The following MGAM2 variants were observed in gnomAD, a reference collection of about 807,000 sequenced individuals.
MGAM2 encodes maltase-glucoamylase 2 (putative).
Under a neutral mutation model 96.1 loss-of-function variants are expected in MGAM2, and 98 were observed. The ratio of observed to expected loss-of-function variants is 1.02; its 90% CI spans 0.87 to 1.21. The LOEUF (loss-of-function observed/expected upper bound fraction) is 1.21. MGAM2 is among the 50% of genes most tolerant of loss of function. MGAM2 has a pLI of 0.00. For missense variants in MGAM2, 2,055 were observed against 1,182.4 expected (o/e 1.74, Z -10.82); for synonymous variants, 749 against 414.8 (o/e 1.81, Z -9.79).
chr7:142,147,397 G>A lies in MGAM2; in HGVS notation c.1517-59G>A, dbSNP rs1465354951. The A allele has an allele frequency of 1.5e-5, 10 of 656,122 alleles. No individual in the cohort carries two copies. In the East Asian group the frequency reaches 2.2e-4, roughly 14 times the overall value. The allele number at this position is 656,122 out of a possible 1,614,324, so 40.6% of individuals were successfully genotyped here. A position where few individuals can be genotyped will look rare whatever the true frequency, so the allele number is the denominator to read the frequency against. On this transcript the variant is annotated intron_variant, in intron 14 of 47. Coordinates refer to ENST00000477922, the MANE Select transcript of MGAM2 (RefSeq NM_001293626.2). ...TAATCAGGAAGAAAATAGTTGGGCC[G>A]CTAATTTGTTAAAGATGGTTAATGA...
chr7:142,171,162 A>G, intron 27 of MGAM2, 110 bp from the exon 28 acceptor site: 3 of 695,322 alleles, frequency 4.3e-6, no homozygotes, highest in Middle Eastern at 4.7e-4. Context: ...ACCTGGATCT[A>G]AATGTGCAAT....
intron 12 of MGAM2, among the ~76,000 whole-genome samples, chr7:142,143,127 T>C (rs76711442): frequency 0.016 from 2,416 of 152,304 alleles, 50 homozygotes; most frequent in African/African-American, 0.054. Flanking sequence ...TAAATTACAA[T>C]CTATAAATTT....
chr7:142,186,256 A>T (rs1796696632), intron 35 of MGAM2, 133 bp downstream of exon 35: 1 of 611,812 alleles, frequency 1.6e-6, no homozygotes, highest in South Asian at 2.0e-5. Flanking sequence ...CTGTTACAGA[A>T]TCTAGGTGCT....
chr7:142,141,256 A>G (rs1795220988), intron 12 of MGAM2, 137 bp downstream of exon 12: 1 of 562,988 alleles, frequency 1.8e-6, no homozygotes, highest in South Asian at 2.5e-5. Flanking sequence ...TACTATTTTA[A>G]ACCAGTAGAT....
rs1029747167 is a variant in MGAM2, at chr7:142,221,180, T to A, written c.6669T>A (p.Pro2223=). 2.8e-6 allele frequency: 2 copies of A among 702,460 alleles called. No individual in the cohort carries two copies. The highest frequency in any genetic ancestry group is 3.5e-5 in the African/African-American group (2 of 57,232). 43.5% of individuals were successfully genotyped at this position (702,460 alleles called of 1,614,324 possible). A position where few individuals can be genotyped will look rare whatever the true frequency, so the allele number is the denominator to read the frequency against. Residue 2223 remains proline (P), a synonymous_variant, in exon 48 of 48, where the codon CCT becomes CCA. Transcript: ENST00000477922. Reference sequence around the variant, plus strand: ...CTGTTATTATGGCAACTACTTCTCCTACAAGTACTGATGTTGCTAGCACAA... The same window carrying A: ...CTGTTATTATGGCAACTACTTCTCCAACAAGTACTGATGTTGCTAGCACAA... The part of the protein sequence containing the change: ...NTTVIMATTS[P]TSTDVASTNN...
intron 36 of MGAM2, 150 bp from the exon 37 acceptor site, chr7:142,189,217 A>G: frequency 3.9e-6 from 2 of 517,804 alleles, no homozygotes; most frequent in Non-Finnish European, 6.8e-6. Context: ...GACACAGAAC[A>G]TTGTTTTCTA....
Position 142,114,204 on chromosome 7 carries a change from A to AAGAAAGAAAGAG in MGAM2, c.-1+2409_-1+2420dup, listed in dbSNP as rs1462301528. On this transcript the variant is annotated intron_variant, in intron 1 of 47. Transcript: ENST00000477922. ...AAAGAAAGAAAGAAAGAAAGAAAGAAAGAAAGAAAGAGAGAAAGAAAGAAA... is the reference window on the plus strand; with the variant it reads ...AAAGAAAGAAAGAAAGAAAGAAAGAAAGAAAGAAAGAGAGAAAGAAAGAGAGAAAGAAAGAAA... 3.6e-4 allele frequency among the ~76,000 whole-genome samples: 50 copies of AAGAAAGAAAGAG among 140,316 alleles called. 1 individual carries two copies. The highest frequency in any genetic ancestry group is 9.1e-5 in the Non-Finnish European group (6 of 65,880). 92.1% of individuals were successfully genotyped at this position (140,316 alleles called of 152,430 possible).
chr7:142,134,834 A>G (rs559888478), intron 7 of MGAM2, among the ~76,000 whole-genome samples: 1 of 151,866 alleles, frequency 6.6e-6, no homozygotes, highest in African/African-American at 2.4e-5. Context: ...ATTAAAATAT[A>G]TTACTGAAAA....
chr7:142,205,507 G>T (rs1797377951), intron 45 of MGAM2, among the ~76,000 whole-genome samples: 1 of 151,718 alleles, frequency 6.6e-6, no homozygotes. Flanking sequence ...CATTCCAGTG[G>T]GTGAAAAGCT....
At chr7:142,146,796 C>T (rs1287460274) in intron 14 of MGAM2, among the ~76,000 whole-genome samples, 2 of 151,540 alleles carry the variant, frequency 1.3e-5, no homozygotes, top group Non-Finnish European at 2.9e-5. Flanking sequence ...GGCACGATCT[C>T]GGCTCATTGC....
chr7:142,123,570 A>C (rs1794647107), intron 3 of MGAM2, among the ~76,000 whole-genome samples: 1 of 152,120 alleles, frequency 6.6e-6, no homozygotes, highest in African/African-American at 2.4e-5. Context: ...CTTATTGGCT[A>C]GTTGGTAATC....
intron 47 of MGAM2, among the ~76,000 whole-genome samples, chr7:142,218,906 G>T (rs550790177): frequency 1.3e-5 from 2 of 151,966 alleles, no homozygotes; most frequent in South Asian, 2.1e-4. Flanking sequence ...GCTGTTGAAG[G>T]TTGCCCCCAT....
chr7:142,196,047 A>G (rs1563288538), intron 37 of MGAM2, 107 bp from the exon 38 acceptor site: 1 of 680,026 alleles, frequency 1.5e-6, no homozygotes, highest in Non-Finnish European at 2.7e-6. Context: ...GGAAGAAGTT[A>G]TCTGACTCGG....
intron 42 of MGAM2, 35 bp from the exon 43 acceptor site, chr7:142,198,104 A>G (rs534674450): frequency 2.7e-5 from 19 of 694,134 alleles, no homozygotes; most frequent in South Asian, 2.3e-4. Context: ...TATTTTTTGA[A>G]ATATTCATAA....
intron 12 of MGAM2, among the ~76,000 whole-genome samples, chr7:142,142,281 C>T (rs1795253416): frequency 6.6e-6 from 1 of 151,870 alleles, no homozygotes; most frequent in Non-Finnish European, 1.5e-5. Context: ...TAGATAAGCC[C>T]ATATTTATAT....
Position 142,161,102 on chromosome 7 carries a change from AACTGGGAAGT to A in MGAM2, c.2346-19_2346-10del. 2.9e-6 allele frequency: 2 copies of A among 701,742 alleles called. No individual in the cohort carries two copies. The highest frequency in any genetic ancestry group is 5.2e-6 in the Non-Finnish European group (2 of 384,190). The allele number at this position is 701,742 out of a possible 1,614,324, so 43.5% of individuals were successfully genotyped here. ...GTTCCATCTCATCTACATTCTCTGA[AACTGGGAAGT>A]ACTCTTTTACAGCCGGAGGAATTCC... On this transcript the variant is annotated splice_polypyrimidine_tract_variant and intron_variant, in intron 21 of 47. Coordinates refer to ENST00000477922, the MANE Select transcript of MGAM2 (RefSeq NM_001293626.2).
rs1229076491 is a variant in MGAM2 at position 142,208,994 on chromosome 7, A to G, written c.5187+372A>G. Among the ~76,000 whole-genome samples, 3 of 152,222 alleles carry G rather than the reference A, an allele frequency of 2.0e-5. 1 individual carries two copies. The East Asian group carries it at 5.8e-4, about 29-fold the overall frequency. On this transcript the variant is annotated intron_variant, in intron 46 of 47. Coordinates refer to ENST00000477922, the MANE Select transcript of MGAM2 (RefSeq NM_001293626.2). ...AAGACGACCTCAAAACCTTAGTGGT[A>G]TCTAACAATAAGCACTTACTTAGCT... is the stretch of plus-strand genomic sequence containing the variant.
chr7:142,189,051 T>C (rs1429357267), intron 36 of MGAM2, among the ~76,000 whole-genome samples: 2 of 152,182 alleles, frequency 1.3e-5, no homozygotes, highest in Non-Finnish European at 2.9e-5. Flanking sequence ...AACATTACCA[T>C]CTAGTGGAAG....
rs1563258593 is a variant in MGAM2, at chr7:142,144,933, C to T, written c.1504C>T (p.Pro502Ser). 2 of 702,776 alleles carry T rather than the reference C, an allele frequency of 2.8e-6. No individual in the cohort carries two copies. The highest frequency in any genetic ancestry group is 2.6e-6 in the Non-Finnish European group (1 of 384,862). The allele number at this position is 702,776 out of a possible 1,614,324, so 43.5% of individuals were successfully genotyped here. A position where few individuals can be genotyped will look rare whatever the true frequency, so the allele number is the denominator to read the frequency against. The stretch of plus-strand genomic sequence containing the variant: ...TGAATCCAACAACTTGAACTTTCCT[C>T]CTTTTCTTCCTAGTAAGTTTTCACC... ...QCESNNLNFPPFLPRVLDHLL... is the reference protein window; with the variant it reads ...QCESNNLNFPSFLPRVLDHLL... Residue 502 changes from proline to serine, a missense_variant, in exon 14 of 48, where the codon CCT (proline) becomes TCT (serine). Physicochemically the swap from Pro to Ser is moderately conservative, Grantham distance 74 (BLOSUM62 -1). Coordinates refer to ENST00000477922, the MANE Select transcript of MGAM2 (RefSeq NM_001293626.2).
Sources: gnomAD v4.1 joint callset for allele counts (sites outside exome capture counted in the v4.1 genomes callset) on GRCh38, gnomAD v4.1.1 for gene constraint, MANE v1.5 for transcripts, NCBI Gene and HGNC (gene_info 2026-07-23, HGNC 2026-07-21) for gene names.